FNDC3A: variants seen among roughly 807,000 people sequenced by gnomAD.
The protein encoded by FNDC3A is fibronectin type-III domain-containing protein 3A.
FNDC3A carries 32 observed loss-of-function variants against 148.9 expected under a neutral mutation model. That is an observed-to-expected ratio of 0.21 (90% confidence interval 0.16 to 0.29). The LOEUF is 0.29. Among genes scored for constraint, FNDC3A ranks in the 10% least tolerant of loss-of-function variants. The pLI is 1.00. For synonymous variants in FNDC3A, 472 were observed against 473.6 expected, an observed-to-expected ratio of 1.00 and a Z score of 0.04; for missense variants, 1,191 against 1,452.8, an observed-to-expected ratio of 0.82 and a Z score of 2.93.
intron 3 of FNDC3A, among the ~76,000 whole-genome samples, chr13:49,098,761 A>T (rs972936830): frequency 6.6e-6 from 1 of 152,180 alleles, no homozygotes; most frequent in African/African-American, 2.4e-5. Flanking sequence ...TTGTACACAG[A>T]TAATGAAATT....
intron 7 of FNDC3A, among the ~76,000 whole-genome samples, chr13:49,143,757 A>G (rs1401638876): frequency 1.3e-5 from 2 of 152,174 alleles, no homozygotes; most frequent in African/African-American, 2.4e-5. Flanking sequence ...CTTCAGTATC[A>G]CCAGGCAAAT....
intron 3 of FNDC3A, among the ~76,000 whole-genome samples, chr13:49,083,967 AG>A (rs1220452365): frequency 6.6e-6 from 1 of 152,242 alleles, no homozygotes; most frequent in African/African-American, 2.4e-5. Flanking sequence ...TCTGGGAATG[AG>A]GACTCTGAAT....
At chr13:49,089,439 A>G (rs2137813067) in intron 3 of FNDC3A, among the ~76,000 whole-genome samples, 1 of 152,346 alleles carries the variant, frequency 6.6e-6, no homozygotes, top group Non-Finnish European at 1.5e-5. Flanking sequence ...ACTTTTAAGA[A>G]AGAGAGATTG....
Position 49,075,286 on chromosome 13 carries a change from A to G in FNDC3A, c.100-3A>G. 1 of 1,568,880 alleles carries G rather than the reference A, an allele frequency of 6.4e-7. No individual in the cohort carries two copies. The highest frequency in any genetic ancestry group is 1.4e-5 in the African/African-American group (1 of 73,656). ...ATTAATACTTCTTCCCCTCATTTTT[A>G]AGGTTATTCTGGTACAAGTTAACCC... On this transcript the variant is annotated splice_region_variant and splice_polypyrimidine_tract_variant and intron_variant, in intron 2 of 25. Coordinates refer to ENST00000492622, the MANE Select transcript of FNDC3A (RefSeq NM_001079673.2).
intron 2 of FNDC3A, among the ~76,000 whole-genome samples, chr13:49,069,036 A>T (rs545402089): frequency 1.3e-5 from 2 of 152,298 alleles, no homozygotes; most frequent in East Asian, 3.9e-4. Flanking sequence ...ACAAACCTAC[A>T]CGTGTACCGT....
chr13:49,127,946 G>A, intron 4 of FNDC3A, among the ~76,000 whole-genome samples: 1 of 151,794 alleles, frequency 6.6e-6, no homozygotes, highest in East Asian at 1.9e-4. Flanking sequence ...CAGCAGCACA[G>A]TCTCGGCTCA....
At chr13:49,005,012 A>G (rs1193795745) in intron 1 of FNDC3A, among the ~76,000 whole-genome samples, 1 of 151,936 alleles carries the variant, frequency 6.6e-6, no homozygotes, top group East Asian at 1.9e-4. Flanking sequence ...ATTATTTTAT[A>G]TATAAACATT....
At chr13:49,162,456 A>G (rs1433728723) in intron 8 of FNDC3A, among the ~76,000 whole-genome samples, 1 of 152,154 alleles carries the variant, frequency 6.6e-6, no homozygotes, top group Non-Finnish European at 1.5e-5. Context: ...TTTCAGCTCC[A>G]TCAGATCATT....
intron 3 of FNDC3A, among the ~76,000 whole-genome samples, chr13:49,108,084 T>G (rs565051149): frequency 6.6e-5 from 10 of 152,282 alleles, no homozygotes; most frequent in African/African-American, 2.4e-4. Flanking sequence ...CATGAAAGTT[T>G]GATATTTCAA....
At chr13:49,200,972 TTA>T (rs1886394268) in intron 23 of FNDC3A, among the ~76,000 whole-genome samples, 1 of 151,948 alleles carries the variant, frequency 6.6e-6, no homozygotes, top group Admixed American at 6.6e-5. Flanking sequence ...AAAAAAAAAT[TTA>T]GAGGTTGAAA....
rs780332741 is a variant in FNDC3A, at chr13:49,175,479, C to A, written c.1468C>A (p.Pro490Thr). Residue 490 changes from proline to threonine, a missense_variant, in exon 13 of 26, where the codon CCC becomes ACC. By Grantham distance (38) the Pro-to-Thr change is conservative. Around this residue, in one of 3 missense-constraint regions of FNDC3A, gnomAD observed 751 missense variants for 944.0 expected, o/e 0.80. Transcript: ENST00000492622. ...ITWLSLQWSK[P>T]SGTPSDEGIS... ...TTGGTTATCCTTACAATGGAGTAAG[C>A]CCTCAGGAACACCATCAGATGAAGG... is the stretch of plus-strand genomic sequence containing the variant. The A allele has an allele frequency of 2.2e-5, 36 of 1,612,602 alleles. No homozygotes were observed. Among genetic ancestry groups the A allele is most frequent in the Non-Finnish European group, 3.1e-5 (36 of 1,179,040 alleles).
chr13:49,129,016 C>T (rs1237003877), intron 4 of FNDC3A, among the ~76,000 whole-genome samples: 1 of 152,242 alleles, frequency 6.6e-6, no homozygotes, highest in Non-Finnish European at 1.5e-5. Flanking sequence ...TAGTATTTAT[C>T]ACCTTGCAAC....
At chr13:49,104,638 T>TA (rs35252613) in intron 3 of FNDC3A, among the ~76,000 whole-genome samples, 1 of 152,112 alleles carries the variant, frequency 6.6e-6, no homozygotes, top group Non-Finnish European at 1.5e-5. Flanking sequence ...ATCCTCTTAT[T>TA]AAAAAAAGAT....
chr13:49,109,598 T>C (rs1880415934), intron 3 of FNDC3A, among the ~76,000 whole-genome samples: 1 of 152,222 alleles, frequency 6.6e-6, no homozygotes, highest in African/African-American at 2.4e-5. Flanking sequence ...TTTGGTCTCC[T>C]TTCTGGTCTC....
intron 4 of FNDC3A, among the ~76,000 whole-genome samples, chr13:49,122,804 C>T (rs1306635317): frequency 2.0e-5 from 3 of 152,074 alleles, no homozygotes; most frequent in African/African-American, 7.2e-5. Context: ...ATGTGAAAGA[C>T]CTCTTCAAGG....
intron 2 of FNDC3A, among the ~76,000 whole-genome samples, chr13:49,060,870 A>G (rs951305125): frequency 6.6e-6 from 1 of 152,136 alleles, no homozygotes; most frequent in African/African-American, 2.4e-5. Context: ...CTTAATAGGC[A>G]TAGGAATTTC....
At chr13:49,070,876 G>A (rs559140189) in intron 2 of FNDC3A, among the ~76,000 whole-genome samples, 2 of 114,848 alleles carry the variant, frequency 1.7e-5, no homozygotes, top group East Asian at 2.7e-4. Context: ...CAGATAACAG[G>A]ATTTCTTTTT....
At chr13:49,122,093 A>G (rs1409790830) in intron 4 of FNDC3A, among the ~76,000 whole-genome samples, 1 of 152,206 alleles carries the variant, frequency 6.6e-6, no homozygotes, top group Non-Finnish European at 1.5e-5. Flanking sequence ...CAATGTGAAA[A>G]TCCTCAATAA....
chr13:49,136,677 C>T, intron 6 of FNDC3A, 76 bp downstream of exon 6: 1 of 1,418,914 alleles, frequency 7.0e-7, no homozygotes, highest in Non-Finnish European at 9.7e-7. Context: ...ATATTCTAAC[C>T]TTTCAGTCAT....
Sources: allele counts gnomAD v4.1 joint callset (sites outside exome capture counted in the v4.1 genomes callset), GRCh38; gene constraint gnomAD v4.1.1; regional missense constraint gnomAD v4.1.1; transcripts MANE v1.5; gene names NCBI Gene and HGNC (gene_info 2026-07-23, HGNC 2026-07-21).